Variants in CACNA1C observed in about 807,000 individuals in gnomAD.
CACNA1C encodes calcium voltage-gated channel subunit alpha1 C.
CACNA1C carries 30 observed loss-of-function variants against 229.0 expected under a neutral mutation model. The ratio of observed to expected loss-of-function variants is 0.13; its 90% CI spans 0.10 to 0.18. The LOEUF is 0.18. Ranked by LOEUF, CACNA1C falls within the 10% of genes least tolerant of loss-of-function variation. CACNA1C has a pLI of 1.00. For synonymous variants in CACNA1C, 1,114 were observed against 1,132.5 expected (o/e 0.98, Z 0.33); for missense variants, 1,658 against 2,845.0 (o/e 0.58, Z 9.49).
chr12:2,688,557 C>T lies in CACNA1C; in HGVS notation c.5895C>T (p.Pro1965=), dbSNP rs200227029. The T allele has an allele frequency of 1.2e-5, 19 of 1,613,990 alleles. No homozygotes were observed. Among genetic ancestry groups the T allele is most frequent in the Admixed American group, 1.2e-4 (7 of 60,034 alleles). The change falls in exon 46 of 47, where the codon CCC becomes CCT. Residue 1965 remains proline, a synonymous_variant. Transcript: ENST00000399655. ...PPATPGSRGW[P]PQPVPTLRLE... ...CCACACCTGGCAGCCGAGGCTGGCC[C>T]CCACAGCCCGTCCCCACCCTGCGGC...
At chr12:2,226,818 T>C (rs1023161145) in intron 3 of CACNA1C, among the ~76,000 whole-genome samples, 4 of 152,254 alleles carry the variant, frequency 2.6e-5, no homozygotes, top group Admixed American at 2.6e-4. Context: ...TCAAGTATTC[T>C]TTCGGCAGGA....
intron 3 of CACNA1C, among the ~76,000 whole-genome samples, chr12:2,151,986 C>T (rs1463130443): frequency 2.0e-5 from 3 of 152,190 alleles, no homozygotes; most frequent in African/African-American, 7.2e-5. Flanking sequence ...TACAGTCAGC[C>T]TATCTGGGCA....
intron 9 of CACNA1C, among the ~76,000 whole-genome samples, chr12:2,533,436 C>T (rs902426356): frequency 2.0e-5 from 3 of 152,216 alleles, no homozygotes; most frequent in African/African-American, 4.8e-5. Context: ...ATTCATACCC[C>T]TCTCTGAGCG....
intron 38 of CACNA1C, among the ~76,000 whole-genome samples, chr12:2,674,249 C>T (rs1248749809): frequency 1.3e-5 from 2 of 152,170 alleles, no homozygotes; most frequent in East Asian, 1.9e-4. Flanking sequence ...CACTGAGTGC[C>T]GGTGGAGGGG....
Position 2,654,460 on chromosome 12 carries a change from C to A in CACNA1C, c.4140+560C>A, listed in dbSNP as rs917619707. Among the ~76,000 whole-genome samples the A allele has an allele frequency of 6.6e-6, 1 of 152,194 alleles. No homozygotes were observed. The highest frequency in any genetic ancestry group is 6.5e-5 in the Admixed American group (1 of 15,286). On this transcript the variant is annotated intron_variant, in intron 33 of 46. Transcript: ENST00000399655. This position sits in a 1 kb window ranked among gnomAD's most constrained non-coding sequence, Gnocchi z 4.4. ...GCCCACTGCACCATTCACCGCAAAC[C>A]TAGGGCTCTCCATTCCCGTCTTGGG...
At chr12:2,484,735 G>A (rs1207763244) in intron 5 of CACNA1C, among the ~76,000 whole-genome samples, 3 of 135,966 alleles carry the variant, frequency 2.2e-5, no homozygotes, top group Admixed American at 8.6e-5. Flanking sequence ...CCTGAAAGCC[G>A]CTTTGCAGTT....
At chr12:2,316,050 G>A (rs1195675492) in intron 3 of CACNA1C, among the ~76,000 whole-genome samples, 6 of 152,238 alleles carry the variant, frequency 3.9e-5, no homozygotes, top group Non-Finnish European at 7.3e-5. Context: ...TATTGCCAGA[G>A]GGCAGCACCT....
chr12:2,457,028 C>G lies in CACNA1C; in HGVS notation c.618-539C>G, dbSNP rs542917795. Among the ~76,000 whole-genome samples the G allele has an allele frequency of 6.6e-5, 10 of 152,354 alleles. No individual in the cohort carries two copies. The Middle Eastern group carries it at 0.014, about 207-fold the overall frequency. On this transcript the variant is annotated intron_variant, in intron 4 of 46. Transcript: ENST00000399655. ...GTGGTTCTACCCCACTTGAGACCTT[C>G]TTGTTTAACCACTCAACCATTCATT... is the stretch of plus-strand genomic sequence containing the variant.
chr12:2,408,837 A>G (rs938445905), intron 3 of CACNA1C, among the ~76,000 whole-genome samples: 7 of 152,310 alleles, frequency 4.6e-5, no homozygotes, highest in Admixed American at 6.5e-5. Context: ...TTTCATTTTC[A>G]TGGAAAAGGA....
At chr12:2,254,024 G>A (rs1261473781) in intron 3 of CACNA1C, among the ~76,000 whole-genome samples, 2 of 152,136 alleles carry the variant, frequency 1.3e-5, no homozygotes, top group Non-Finnish European at 2.9e-5. Flanking sequence ...TAGGACTGAG[G>A]GTGTGCTGGT....
chr12:2,229,371 G>T (rs1469883742), intron 3 of CACNA1C, among the ~76,000 whole-genome samples: 1 of 152,108 alleles, frequency 6.6e-6, no homozygotes, highest in South Asian at 2.1e-4. Flanking sequence ...ATACATATGC[G>T]TTTGTATATG....
chr12:2,277,902 C>T (rs1279137311), intron 3 of CACNA1C, among the ~76,000 whole-genome samples: 3 of 152,228 alleles, frequency 2.0e-5, no homozygotes, highest in East Asian at 1.9e-4. Context: ...CCTGAGCATG[C>T]GGCATTAGAT....
chr12:2,226,333 C>T (rs1216552748), intron 3 of CACNA1C, among the ~76,000 whole-genome samples: 1 of 152,088 alleles, frequency 6.6e-6, no homozygotes, highest in Non-Finnish European at 1.5e-5. Flanking sequence ...TTAATCATCC[C>T]CATTGTACAT....
rs117319813 is a variant in CACNA1C, at chr12:2,072,156, G to A, written c.49+18545G>A. ...ATTTGTAAGGGGAAACTCTTCAAAT[G>A]TATGCAACAAGATTATATATATACA... On this transcript the variant is annotated intron_variant, in intron 1 of 46. Transcript: ENST00000399655. Among the ~76,000 whole-genome samples the A allele has an allele frequency of 6.1e-3, 920 of 151,518 alleles. 6 individuals carry two copies. The highest frequency in any genetic ancestry group is 9.0e-3 in the Non-Finnish European group (608 of 67,924).
intron 3 of CACNA1C, among the ~76,000 whole-genome samples, chr12:2,377,119 A>C (rs1321407962): frequency 1.3e-5 from 2 of 152,162 alleles, no homozygotes; most frequent in Non-Finnish European, 2.9e-5. Flanking sequence ...CTGGAGGAGA[A>C]GGAAGGGCTG....
intron 1 of CACNA1C, among the ~76,000 whole-genome samples, chr12:2,079,133 G>A (rs11611102): frequency 0.5 from 62,159 of 125,186 alleles, 16,532 homozygotes; most frequent in Middle Eastern, 0.66. Context: ...CTGTTGTGGG[G>A]TGGGGGGAGG....
intron 3 of CACNA1C, among the ~76,000 whole-genome samples, chr12:2,157,967 G>T (rs2095637364): frequency 6.6e-6 from 1 of 152,118 alleles, no homozygotes; most frequent in Non-Finnish European, 1.5e-5. Flanking sequence ...TGCTATGAAT[G>T]GTTAGAAAAC....
At chr12:2,141,557 G>A (rs1338674074) in intron 3 of CACNA1C, among the ~76,000 whole-genome samples, 1 of 151,356 alleles carries the variant, frequency 6.6e-6, no homozygotes, top group Non-Finnish European at 1.5e-5. Flanking sequence ...CATTTCCCTA[G>A]CAACTTCTCT....
At chr12:1,974,595 G>A (rs985693107) in intron 1 of CACNA1C, among the ~76,000 whole-genome samples, 1 of 152,126 alleles carries the variant, frequency 6.6e-6, no homozygotes, top group Non-Finnish European at 1.5e-5. Flanking sequence ...AAAATCACAT[G>A]CATTTCTCTT....
Sources: allele counts gnomAD v4.1 joint callset (sites outside exome capture counted in the v4.1 genomes callset), GRCh38; gene constraint gnomAD v4.1.1; non-coding constraint Gnocchi (gnomAD v3.1); transcripts MANE v1.5; gene names NCBI Gene and HGNC (gene_info 2026-07-23, HGNC 2026-07-21).